DNAI1: variants seen among roughly 807,000 people sequenced by gnomAD.
DNAI1 encodes the protein dynein axonemal intermediate chain 1.
DNAI1 carries 67 observed loss-of-function variants against 92.0 expected under a neutral mutation model. That is an observed-to-expected ratio of 0.73 (90% confidence interval 0.60 to 0.89). The LOEUF is 0.89. Among genes scored for constraint, DNAI1 ranks in the 40% least tolerant of loss-of-function variants. The probability of loss-of-function intolerance (pLI) is 0.00; values close to 1 mark genes in which losing one functional copy is unlikely to be tolerated. For synonymous variants in DNAI1, 323 were observed against 319.6 expected (o/e 1.01, Z -0.11); for missense variants, 839 against 866.6 (o/e 0.97, Z 0.40).
intron 1 of DNAI1, among the ~76,000 whole-genome samples, chr9:34,465,796 T>C (rs72735229): frequency 0.05 from 7,568 of 152,352 alleles, 276 homozygotes; most frequent in Non-Finnish European, 0.065. Flanking sequence ...ATGAAATTGT[T>C]TTCTGCCAGT....
At chr9:34,506,144 C>G (rs1417390230) in intron 12 of DNAI1, among the ~76,000 whole-genome samples, 1 of 152,110 alleles carries the variant, frequency 6.6e-6, no homozygotes, top group African/African-American at 2.4e-5. Context: ...TGGGGATATG[C>G]TCATAGGTGG....
chr9:34,512,090 A>C lies in DNAI1; in HGVS notation c.1312-19A>C, dbSNP rs765345097. On this transcript the variant is annotated intron_variant, in intron 13 of 19. Coordinates refer to ENST00000242317, the MANE Select transcript of DNAI1 (RefSeq NM_012144.4). ...ACACTTTAGCAGGGTCCCAGAGCTC[A>C]CATTTTGGGATGTTTCAGGTCAAGT... is the stretch of plus-strand genomic sequence containing the variant. 7.4e-6 allele frequency: 12 copies of C among 1,612,556 alleles called. No homozygotes were observed. The South Asian group carries it at 1.3e-4, about 18-fold the overall frequency.
At chr9:34,463,723 A>T (rs1307611328) in intron 1 of DNAI1, among the ~76,000 whole-genome samples, 1 of 152,252 alleles carries the variant, frequency 6.6e-6, no homozygotes, top group African/African-American at 2.4e-5. Context: ...TGTAAAAGCC[A>T]AAGAAAAGAC....
intron 1 of DNAI1, among the ~76,000 whole-genome samples, chr9:34,480,823 G>A (rs966019613): frequency 3.9e-5 from 6 of 152,174 alleles, no homozygotes; most frequent in Non-Finnish European, 5.9e-5. Flanking sequence ...GCTCACGCCT[G>A]TAATCCCAGC....
At chr9:34,516,670 G>GT (rs1825175140) in intron 18 of DNAI1, among the ~76,000 whole-genome samples, 1 of 152,166 alleles carries the variant, frequency 6.6e-6, no homozygotes, top group African/African-American at 2.4e-5. Flanking sequence ...TGATGCAACC[G>GT]TATGATGTGC....
intron 1 of DNAI1, among the ~76,000 whole-genome samples, chr9:34,473,143 C>T (rs1588090203): frequency 6.6e-6 from 1 of 152,032 alleles, no homozygotes; most frequent in East Asian, 1.9e-4. Flanking sequence ...CATAGCAATA[C>T]ATAAAAGTTT....
intron 2 of DNAI1, 196 bp from the exon 3 acceptor site, chr9:34,484,946 G>T: frequency 1.7e-6 from 1 of 575,758 alleles, no homozygotes; most frequent in Non-Finnish European, 3.1e-6. Context: ...GAGGTGGCCA[G>T]GATCTTCCAG....
chr9:34,480,365 C>T (rs986392937), intron 1 of DNAI1, among the ~76,000 whole-genome samples: 1 of 147,862 alleles, frequency 6.8e-6, no homozygotes, highest in Non-Finnish European at 1.5e-5. Flanking sequence ...GCAACCCCTG[C>T]CTCCTGGGTT....
chr9:34,495,388 C>G (rs917580371), intron 9 of DNAI1, among the ~76,000 whole-genome samples: 2 of 152,124 alleles, frequency 1.3e-5, no homozygotes, highest in Admixed American at 6.5e-5. Flanking sequence ...ACCTACAGAC[C>G]TGGATTTATA....
Position 34,520,870 on chromosome 9 carries a change from C to A in DNAI1, c.*114C>A. 1.0e-6 allele frequency: 1 copy of A among 994,824 alleles called. No homozygotes were observed. Among genetic ancestry groups the A allele is most frequent in the African/African-American group, 1.6e-5 (1 of 62,470 alleles). The allele number at this position is 994,824 out of a possible 1,614,324, so 61.6% of individuals were successfully genotyped here. ...TGTGACCCCACTCCTGATCAGGTCC[C>A]AGCATCTTCCCTTCTTGTTCTGTTC... On this transcript the variant is annotated 3_prime_UTR_variant, in exon 20 of 20. Coordinates refer to ENST00000242317, the MANE Select transcript of DNAI1 (RefSeq NM_012144.4).
intron 9 of DNAI1, among the ~76,000 whole-genome samples, chr9:34,495,867 A>G (rs1430636047): frequency 6.6e-6 from 1 of 152,170 alleles, no homozygotes; most frequent in Non-Finnish European, 1.5e-5. Flanking sequence ...CGTAGCTGGA[A>G]CCAGGTGAAC....
In DNAI1 at chr9:34,520,768, C is replaced by G. The variant is rs3204948; in HGVS notation, c.*12C>G. 1.9e-6 allele frequency: 3 copies of G among 1,551,514 alleles called. No individual in the cohort carries two copies. Among genetic ancestry groups the G allele is most frequent in the Non-Finnish European group, 1.7e-6 (2 of 1,146,824 alleles). On this transcript the variant is annotated 3_prime_UTR_variant, in exon 20 of 20. Coordinates refer to ENST00000242317, the MANE Select transcript of DNAI1 (RefSeq NM_012144.4). ...AAATCAAGACCTGAGGGGCTGGCCT[C>G]AGTCTCTGTCCCATCGCTTGAATAC...
chr9:34,512,200 T>C lies in DNAI1; in HGVS notation c.1401+2T>C. On this transcript the variant is annotated splice_donor_variant, in intron 14 of 19. Transcript: ENST00000242317. LOFTEE classifies it high-confidence loss of function. The stretch of plus-strand genomic sequence containing the variant: ...ATTGTGTCTTGGACTCTCGTGAAGG[T>C]GCCTATTTCCCAGAGAGGGTCACAC... 1 of 1,614,074 alleles carries C rather than the reference T, an allele frequency of 6.2e-7. No homozygotes were observed. Among genetic ancestry groups the C allele is most frequent in the Non-Finnish European group, 8.5e-7 (1 of 1,179,948 alleles).
intron 10 of DNAI1, among the ~76,000 whole-genome samples, chr9:34,497,566 C>A (rs1824751479): frequency 6.6e-6 from 1 of 152,148 alleles, no homozygotes; most frequent in Admixed American, 6.5e-5. Context: ...AGAGAGGACC[C>A]AAATAGAGGT....
At chr9:34,509,236 G>C (rs1156821264) in intron 13 of DNAI1, among the ~76,000 whole-genome samples, 1 of 152,160 alleles carries the variant, frequency 6.6e-6, no homozygotes, top group Non-Finnish European at 1.5e-5. Flanking sequence ...GATTGTGAGG[G>C]AGGAGAGAGA....
intron 9 of DNAI1, among the ~76,000 whole-genome samples, chr9:34,496,755 A>G (rs1037869628): frequency 2.0e-5 from 3 of 152,126 alleles, no homozygotes; most frequent in Admixed American, 2.0e-4. Flanking sequence ...GAAGGCTCCA[A>G]CCTGCCCTTG....
In DNAI1 at chr9:34,500,826, A is replaced by G; in HGVS notation, c.1006A>G (p.Thr336Ala). The G allele has an allele frequency of 6.2e-7, 1 of 1,613,966 alleles. No individual in the cohort carries two copies. Residue 336 changes from threonine to alanine, a missense_variant, in exon 11 of 20, where the codon ACT becomes GCT. Coordinates refer to ENST00000242317, the MANE Select transcript of DNAI1 (RefSeq NM_012144.4). Reference sequence around the variant, plus strand: ...TGACAAAGCCAAGCGCCTGTCCGTCACTGCCCTCTGCTGGTAAGTATAGGC... The same window carrying G: ...TGACAAAGCCAAGCGCCTGTCCGTCGCTGCCCTCTGCTGGTAAGTATAGGC... ...QNDKAKRLSVTALCWNPKYRD... is the reference protein window; with the variant it reads ...QNDKAKRLSVAALCWNPKYRD...
At chr9:34,472,231 A>G (rs571630858) in intron 1 of DNAI1, among the ~76,000 whole-genome samples, 1 of 152,354 alleles carries the variant, frequency 6.6e-6, no homozygotes, top group South Asian at 2.1e-4. Context: ...TTATACTCAC[A>G]GCAATTCTAT....
chr9:34,503,455 G>A (rs3750395), intron 12 of DNAI1, among the ~76,000 whole-genome samples: 24,750 of 152,182 alleles, frequency 0.16, 2,523 homozygotes, highest in East Asian at 0.37. Flanking sequence ...TGCCTCATGA[G>A]GACAAACACT....
Sources: gnomAD v4.1 joint callset for allele counts (sites outside exome capture counted in the v4.1 genomes callset) on GRCh38, gnomAD v4.1.1 for gene constraint, MANE v1.5 for transcripts, NCBI Gene and HGNC (gene_info 2026-07-23, HGNC 2026-07-21) for gene names.